Variants in MAP3K9 observed in about 807,000 individuals in gnomAD.
The protein encoded by MAP3K9 is mitogen-activated protein kinase kinase kinase 9.
In MAP3K9, 46 loss-of-function variants were observed where a neutral mutation model predicts 95.8. That is an observed-to-expected ratio of 0.48 (90% confidence interval 0.38 to 0.61). MAP3K9 has a LOEUF of 0.61. MAP3K9 is among the 20% of genes least tolerant of loss of function. The pLI, the probability that MAP3K9 is intolerant of heterozygous loss-of-function variation, is 0.00. For synonymous variants in MAP3K9, 533 were observed against 593.8 expected (o/e 0.90, Z 1.49); for missense variants, 1,296 against 1,474.3 (o/e 0.88, Z 1.98).
chr14:70,740,259 A>G, intron 6 of MAP3K9, 95 bp from the exon 7 acceptor site: 1 of 1,334,060 alleles, frequency 7.5e-7, no homozygotes. Context: ...CTTGAGGGAC[A>G]GGCCCCAGTT....
chr14:70,782,535 T>C (rs1229579430), intron 2 of MAP3K9, among the ~76,000 whole-genome samples: 2 of 152,036 alleles, frequency 1.3e-5, no homozygotes, highest in Non-Finnish European at 2.9e-5. Context: ...ACACTGGGAG[T>C]TGCCATTGTG....
At position 70,733,317 on chromosome 14, in the gene MAP3K9, C is replaced by T. The variant is rs1225388949; in HGVS notation, c.2052G>A (p.Gly684=). 24 of 1,501,486 alleles carry T rather than the reference C, an allele frequency of 1.6e-5. No individual in the cohort carries two copies. The highest frequency in any genetic ancestry group is 2.2e-5 in the Non-Finnish European group (24 of 1,091,850). The allele number at this position is 1,501,486 out of a possible 1,614,324, so 93.0% of individuals were successfully genotyped here. ...AATGCTGTAGGCGACTCTCTCCACT[C>T]CCTGGGCCTTCACTGTCCTCATCCT... ...EMEDEDSEGP[G]SGESRLQHSP... The change falls in exon 11 of 12, where the codon GGG becomes GGA. Residue 684 remains glycine (G), a synonymous_variant. Transcript: ENST00000554752.
chr14:70,752,763 A>G (rs1184202325), intron 3 of MAP3K9, among the ~76,000 whole-genome samples: 1 of 152,078 alleles, frequency 6.6e-6, no homozygotes, highest in East Asian at 1.9e-4. Flanking sequence ...AAAGATCCAA[A>G]TATGTTCTGT....
chr14:70,766,047 G>T (rs892374913), intron 2 of MAP3K9, among the ~76,000 whole-genome samples: 2 of 152,014 alleles, frequency 1.3e-5, no homozygotes, highest in Non-Finnish European at 2.9e-5. Context: ...CCAGATGTAG[G>T]GGCCTGATGG....
intron 3 of MAP3K9, among the ~76,000 whole-genome samples, chr14:70,751,514 T>C (rs139749782): frequency 7.5e-4 from 114 of 151,528 alleles, no homozygotes; most frequent in African/African-American, 2.6e-3. Context: ...AGGTCAGGAG[T>C]TCAAGACCAG....
intron 5 of MAP3K9, among the ~76,000 whole-genome samples, chr14:70,744,176 G>GAAC (rs1395079719): frequency 6.6e-6 from 1 of 152,040 alleles, no homozygotes; most frequent in Non-Finnish European, 1.5e-5. Context: ...ACAGGGAGGG[G>GAAC]AACGTCACAC....
chr14:70,765,123 G>A (rs1045250444), intron 2 of MAP3K9, among the ~76,000 whole-genome samples: 7 of 152,146 alleles, frequency 4.6e-5, no homozygotes, highest in African/African-American at 1.7e-4. Context: ...GAAGTCAGCA[G>A]TTCAAGACCA....
chr14:70,803,526 C>T (rs894006970), intron 1 of MAP3K9, among the ~76,000 whole-genome samples: 4 of 151,990 alleles, frequency 2.6e-5, no homozygotes, highest in Admixed American at 2.0e-4. Flanking sequence ...AGCCCTGTAA[C>T]GCCTCCGTTC....
Position 70,730,761 on chromosome 14 carries a change from C to A in MAP3K9, c.2934G>T (p.Gln978His), listed in dbSNP as rs374751641. The stretch of plus-strand genomic sequence containing the variant: ...TGGGTCTCTCCAAGGTAGAGTCCTG[C>A]TGAGTGTTCCAGCGCCTTGGGGTTG... The part of the protein sequence containing the change: ...FPPTPRRWNT[Q>H]QDSTLERPKT... The change falls in exon 12 of 12, where the codon CAG (glutamine) becomes CAT (histidine). Residue 978 changes from glutamine to histidine, a missense_variant. Physicochemically the swap from Gln to His is conservative, Grantham distance 24. Transcript: ENST00000554752. 6.2e-7 allele frequency: 1 copy of A among 1,613,556 alleles called. No individual in the cohort carries two copies. The highest frequency in any genetic ancestry group is 8.5e-7 in the Non-Finnish European group (1 of 1,179,980).
chr14:70,731,030 ACCTAGAATG>A (rs546333094), intron 11 of MAP3K9, among the ~76,000 whole-genome samples, 166 bp from the exon 12 acceptor site: 184 of 150,660 alleles, frequency 1.2e-3, no homozygotes, highest in Middle Eastern at 3.4e-3. Flanking sequence ...TACAGTAGTG[ACCTAGAATG>A]CCATGATCCC....
chr14:70,772,300 C>T (rs1566753782), intron 2 of MAP3K9, among the ~76,000 whole-genome samples: 1 of 152,178 alleles, frequency 6.6e-6, no homozygotes, highest in Non-Finnish European at 1.5e-5. Flanking sequence ...AGAGAATTGG[C>T]TCCTTGGGGA....
chr14:70,748,874 T>C lies in MAP3K9; in HGVS notation c.1281A>G (p.Lys427=), dbSNP rs2054186953. 1 of 1,614,160 alleles carries C rather than the reference T, an allele frequency of 6.2e-7. No homozygotes were observed. Among genetic ancestry groups the C allele is most frequent in the Non-Finnish European group, 8.5e-7 (1 of 1,179,994 alleles). Reference sequence around the variant, plus strand: ...GGTCAAACATCTCCTGAATCTCGTGTTTCCAGTTGTCCTGCAGGCAGTGGA... The same window carrying C: ...GGTCAAACATCTCCTGAATCTCGTGCTTCCAGTTGTCCTGCAGGCAGTGGA... ...DSFHCLQDNW[K]HEIQEMFDQL... is the part of the protein sequence containing the mutation. The change falls in exon 5 of 12, where the codon AAA becomes AAG. Residue 427 remains lysine (K), a synonymous_variant. Transcript: ENST00000554752.
At chr14:70,758,303 T>C (rs1375029283) in intron 3 of MAP3K9, among the ~76,000 whole-genome samples, 1 of 152,194 alleles carries the variant, frequency 6.6e-6, no homozygotes, top group African/African-American at 2.4e-5. Flanking sequence ...TCATAAGTCA[T>C]TTAGTGAAAT....
Position 70,743,699 on chromosome 14 carries a change from G to C in MAP3K9, c.1327-1108C>G, listed in dbSNP as rs113554463. ...TAGAATGGTGATCAGTAAAAAGTCA[G>C]AAAACAAAGATGCTGGAGAGGATGT... is the stretch of plus-strand genomic sequence containing the variant. On this transcript the variant is annotated intron_variant, in intron 5 of 11. Coordinates refer to ENST00000554752, the MANE Select transcript of MAP3K9 (RefSeq NM_001284230.2). Among the ~76,000 whole-genome samples the C allele has an allele frequency of 8.4e-3, 1,278 of 152,262 alleles. 16 individuals are homozygous for C. The highest frequency in any genetic ancestry group is 0.028 in the African/African-American group (1,161 of 41,552).
At chr14:70,768,659 G>T (rs1405380797) in intron 2 of MAP3K9, among the ~76,000 whole-genome samples, 1 of 152,126 alleles carries the variant, frequency 6.6e-6, no homozygotes, top group Non-Finnish European at 1.5e-5. Context: ...GAAATCGGGG[G>T]TGTCTTGCCA....
At chr14:70,731,140 C>T (rs773761925) in intron 11 of MAP3K9, among the ~76,000 whole-genome samples, 33 of 145,850 alleles carry the variant, frequency 2.3e-4, no homozygotes, top group Non-Finnish European at 3.5e-4. Context: ...AAGCTGGCCA[C>T]CTGTGTTTAT....
rs578151689 is a variant in MAP3K9, at chr14:70,743,498, A to G, written c.1327-907T>C. Among the ~76,000 whole-genome samples the G allele has an allele frequency of 8.2e-3, 1,249 of 152,198 alleles. 6 individuals are homozygous for G. Among genetic ancestry groups the G allele is most frequent in the Non-Finnish European group, 0.013 (875 of 68,012 alleles). On this transcript the variant is annotated intron_variant, in intron 5 of 11. Coordinates refer to ENST00000554752, the MANE Select transcript of MAP3K9 (RefSeq NM_001284230.2). Reference sequence around the variant, plus strand: ...AATATCCAGAATCTACAAAGAACTTAAACAAATTTACAAGAAAAAAAAAAA... The same window carrying G: ...AATATCCAGAATCTACAAAGAACTTGAACAAATTTACAAGAAAAAAAAAAA...
At chr14:70,736,439 T>TAGA (rs1268769806) in intron 8 of MAP3K9, among the ~76,000 whole-genome samples, 1 of 152,186 alleles carries the variant, frequency 6.6e-6, no homozygotes, top group Non-Finnish European at 1.5e-5. Flanking sequence ...TAATATCACA[T>TAGA]AGAAGTTCTC....
At chr14:70,792,324 CAT>C (rs759718487) in intron 2 of MAP3K9, among the ~76,000 whole-genome samples, 4 of 152,162 alleles carry the variant, frequency 2.6e-5, no homozygotes, top group Non-Finnish European at 5.9e-5. Context: ...TAAGAAGGAA[CAT>C]GTGGCAAAAA....
Sources: allele counts gnomAD v4.1 joint callset (sites outside exome capture counted in the v4.1 genomes callset), GRCh38; gene constraint gnomAD v4.1.1; transcripts MANE v1.5; gene names NCBI Gene and HGNC (gene_info 2026-07-23, HGNC 2026-07-21).